The following CMYA5 variants were observed in gnomAD, a reference collection of about 807,000 sequenced individuals.
CMYA5 encodes cardiomyopathy associated 5.
Under a neutral mutation model 318.9 loss-of-function variants are expected in CMYA5, and 246 were observed. The ratio of observed to expected loss-of-function variants is 0.77; its 90% CI spans 0.70 to 0.86. The LOEUF is 0.86. Among genes scored for constraint, CMYA5 ranks in the 40% least tolerant of loss-of-function variants. The pLI is 0.00. For synonymous variants in CMYA5, 1,641 were observed against 1,729.5 expected (o/e 0.95, Z 1.27); for missense variants, 4,589 against 4,678.2 (o/e 0.98, Z 0.56).
chr5:79,758,720 C>T, intron 6 of CMYA5, 33 bp from the exon 7 acceptor site: 1 of 1,545,468 alleles, frequency 6.5e-7, no homozygotes, highest in Non-Finnish European at 8.7e-7. Flanking sequence ...ATAAAAACAG[C>T]ATTAGTTACA....
chr5:79,761,882 T>C lies in CMYA5; in HGVS notation c.11332T>C (p.Cys3778Arg), dbSNP rs748006788. 6.2e-7 allele frequency: 1 copy of C among 1,613,838 alleles called. No individual in the cohort carries two copies. The highest frequency in any genetic ancestry group is 1.3e-5 in the African/African-American group (1 of 75,068). ...CIFEDLEPDR[C>R]YQVWVMAVNF... ...TTTTGAAGATCTGGAACCTGACCGATGCTATCAAGTGTGGGTGATGGCTGT... is the reference window on the plus strand; with the variant it reads ...TTTTGAAGATCTGGAACCTGACCGACGCTATCAAGTGTGGGTGATGGCTGT... Residue 3778 changes from cysteine to arginine, a missense_variant, in exon 8 of 13, where the codon TGC (cysteine) becomes CGC (arginine). Cys to Arg is a radical substitution (Grantham distance 180, BLOSUM62 -3). Around this residue, in one of 3 missense-constraint regions of CMYA5, gnomAD observed 2,431 missense variants for 2,495.1 expected, o/e 0.97. Coordinates refer to ENST00000446378, the MANE Select transcript of CMYA5 (RefSeq NM_153610.5).
At chr5:79,761,003 G>A (rs1828640413) in intron 7 of CMYA5, among the ~76,000 whole-genome samples, 1 of 152,054 alleles carries the variant, frequency 6.6e-6, no homozygotes, top group South Asian at 2.1e-4. Context: ...TTGAAGATGT[G>A]ACATTCAAGA....
chr5:79,794,159 A>G (rs183183368), intron 12 of CMYA5, among the ~76,000 whole-genome samples: 1 of 152,218 alleles, frequency 6.6e-6, no homozygotes, highest in Non-Finnish European at 1.5e-5. Flanking sequence ...TTGGCAAACT[A>G]TAGCCCATAG....
In CMYA5 at chr5:79,729,859, A is replaced by C; in HGVS notation, c.1094A>C (p.Gln365Pro). ...IQLRHSQSVP[Q>P]QPEDEAKPHE... ...CTCAGGCATTCACAGTCAGTGCCAC[A>C]ACAGCCAGAAGATGAAGCAAAACCA... Residue 365 changes from glutamine (Q) to proline (P), a missense_variant, in exon 2 of 13, where the codon CAA becomes CCA. By Grantham distance (76) the Gln-to-Pro change is moderately conservative (BLOSUM62 -1). Transcript: ENST00000446378. 6.2e-7 allele frequency: 1 copy of C among 1,612,644 alleles called. No individual in the cohort carries two copies. Among genetic ancestry groups the C allele is most frequent in the Non-Finnish European group, 8.5e-7 (1 of 1,179,170 alleles).
rs1341668652 is a variant in CMYA5 at position 79,738,274 on chromosome 5, T to C, written c.9509T>C (p.Ile3170Thr). The C allele has an allele frequency of 1.2e-6, 2 of 1,613,564 alleles. No homozygotes were observed. Among genetic ancestry groups the C allele is most frequent in the East Asian group, 2.2e-5 (1 of 44,876 alleles). ...GAAGGAGTTCTATCACGAACCCAGA[T>C]ATTTCCTACCACTATTAAAGTCATT... ...AEEGVLSRTQIFPTTIKVIDP... is the reference protein window; with the variant it reads ...AEEGVLSRTQTFPTTIKVIDP... The change falls in exon 2 of 13, where the codon ATA becomes ACA. Residue 3170 changes from isoleucine (I) to threonine (T), a missense_variant. Ile to Thr is a moderately conservative substitution (Grantham distance 89). Around this residue, in one of 3 missense-constraint regions of CMYA5, gnomAD observed 2,431 missense variants for 2,495.1 expected, o/e 0.97. Coordinates refer to ENST00000446378, the MANE Select transcript of CMYA5 (RefSeq NM_153610.5).
chr5:79,771,844 G>T lies in CMYA5; in HGVS notation c.11555+8635G>T, dbSNP rs77328005. The stretch of plus-strand genomic sequence containing the variant: ...TCTTTCAACTAGTTTTAAGACTGCA[G>T]CCCTGAATAGACTGAGGCATCCCTC... On this transcript the variant is annotated intron_variant, in intron 9 of 12. Coordinates refer to ENST00000446378, the MANE Select transcript of CMYA5 (RefSeq NM_153610.5). Among the ~76,000 whole-genome samples the T allele has an allele frequency of 6.3e-3, 952 of 152,282 alleles. 14 individuals are homozygous for T. The highest frequency in any genetic ancestry group is 0.06 in the South Asian group (291 of 4,812).
Position 79,729,463 on chromosome 5 carries a change from A to G in CMYA5, c.698A>G (p.Asn233Ser), listed in dbSNP as rs770430050. The G allele has an allele frequency of 3.7e-6, 6 of 1,611,830 alleles. No individual in the cohort carries two copies. The Admixed American group carries it at 1.0e-4, about 27-fold the overall frequency. ...GTVQYKIKMFNSVKEELIPLQ... is the reference protein window; with the variant it reads ...GTVQYKIKMFSSVKEELIPLQ... Reference sequence around the variant, plus strand: ...GTACAATATAAAATTAAGATGTTTAATTCGGTTAAAGAAGAATTAATTCCT... The same window carrying G: ...GTACAATATAAAATTAAGATGTTTAGTTCGGTTAAAGAAGAATTAATTCCT... The change falls in exon 2 of 13, where the codon AAT becomes AGT. Residue 233 changes from asparagine (N) to serine (S), a missense_variant. Around this residue, in one of 3 missense-constraint regions of CMYA5, gnomAD observed 2,132 missense variants for 2,131.3 expected, o/e 1.00. Coordinates refer to ENST00000446378, the MANE Select transcript of CMYA5 (RefSeq NM_153610.5).
intron 9 of CMYA5, among the ~76,000 whole-genome samples, chr5:79,769,155 A>G (rs540728576): frequency 5.3e-5 from 8 of 152,034 alleles, no homozygotes; most frequent in South Asian, 2.1e-4. Context: ...TAGGTCATTT[A>G]TGTTCTTCTC....
rs1002367812 is a variant in CMYA5 at position 79,730,167 on chromosome 5, C to G, written c.1402C>G (p.Pro468Ala). ...CCTGACTTCAATAGAAAGGGCAGAA[C>G]CAGTCTCCGCAAAACTGACCCCTAC... ...PDLTSIERAE[P>A]VSAKLTPTHP... Residue 468 changes from proline (P) to alanine (A), a missense_variant, in exon 2 of 13, where the codon CCA becomes GCA. By Grantham distance (27) the Pro-to-Ala change is conservative. Around this residue, in one of 3 missense-constraint regions of CMYA5, gnomAD observed 2,132 missense variants for 2,131.3 expected, o/e 1.00. Transcript: ENST00000446378. 2 of 1,613,942 alleles carry G rather than the reference C, an allele frequency of 1.2e-6. No individual in the cohort carries two copies. The highest frequency in any genetic ancestry group is 2.2e-5 in the South Asian group (2 of 91,076).
At position 79,737,667 on chromosome 5, in the gene CMYA5, G is replaced by C; in HGVS notation, c.8902G>C (p.Glu2968Gln). The C allele has an allele frequency of 6.2e-7, 1 of 1,613,328 alleles. No homozygotes were observed. The highest frequency in any genetic ancestry group is 1.1e-5 in the South Asian group (1 of 90,880). Residue 2968 changes from glutamate (E) to glutamine (Q), a missense_variant, in exon 2 of 13, where the codon GAA becomes CAA. This residue lies in a region of CMYA5 where 2,431 missense variants were observed against 2,495.1 expected (regional missense o/e 0.97). Transcript: ENST00000446378. Reference protein sequence around the residue: ...APAFISSIDQEESEQMQDKLE... With the variant: ...APAFISSIDQQESEQMQDKLE... ...GGCCTTTATTTCTTCAATCGATCAG[G>C]AAGAAAGTGAACAAATGCAAGATAA...
chr5:79,776,908 C>A (rs1398086410), intron 9 of CMYA5, among the ~76,000 whole-genome samples: 1 of 152,182 alleles, frequency 6.6e-6, no homozygotes, highest in Non-Finnish European at 1.5e-5. Flanking sequence ...CCCCGCTCCC[C>A]TGGGGAGAAA....
In CMYA5 at chr5:79,734,020, C is replaced by T; in HGVS notation, c.5255C>T (p.Ser1752Leu). ...TTTACTTTTTCTTTAAAAGGATTAT[C>T]AGAGGAGGTTAGCCATCCAGCCGAC... ...QPFTFSLKGL[S>L]EEVSHPADFK... Residue 1752 changes from serine to leucine, a missense_variant, in exon 2 of 13, where the codon TCA becomes TTA. Physicochemically the swap from Ser to Leu is moderately radical, Grantham distance 145. Transcript: ENST00000446378. 6.2e-7 allele frequency: 1 copy of T among 1,613,722 alleles called. No individual in the cohort carries two copies. Among genetic ancestry groups the T allele is most frequent in the Non-Finnish European group, 8.5e-7 (1 of 1,179,812 alleles).
At chr5:79,770,202 C>T (rs1203935108) in intron 9 of CMYA5, among the ~76,000 whole-genome samples, 4 of 152,216 alleles carry the variant, frequency 2.6e-5, no homozygotes, top group African/African-American at 4.8e-5. Flanking sequence ...GTGCTGCCAG[C>T]GAGAATTTCA....
chr5:79,765,708 C>G (rs1337892263), intron 9 of CMYA5, among the ~76,000 whole-genome samples: 9 of 152,030 alleles, frequency 5.9e-5, no homozygotes, highest in Middle Eastern at 3.2e-3. Flanking sequence ...CCTTCATATC[C>G]CTTGTAAGTT....
At chr5:79,693,606 A>C (rs1305369838) in intron 1 of CMYA5, among the ~76,000 whole-genome samples, 9 of 151,998 alleles carry the variant, frequency 5.9e-5, no homozygotes, top group Admixed American at 5.9e-4. Context: ...GCCTCCCAAA[A>C]TCCTGGGATT....
Position 79,699,531 on chromosome 5 carries a change from T to C in CMYA5, c.149+9475T>C, listed in dbSNP as rs147952360. On this transcript the variant is annotated intron_variant, in intron 1 of 12. Coordinates refer to ENST00000446378, the MANE Select transcript of CMYA5 (RefSeq NM_153610.5). ...CTTTCAAATACAGGATCTAGGTTACTTTCCTGAGAGAAGAGGACACTAGAA... is the reference window on the plus strand; with the variant it reads ...CTTTCAAATACAGGATCTAGGTTACCTTCCTGAGAGAAGAGGACACTAGAA... Among the ~76,000 whole-genome samples the C allele has an allele frequency of 8.5e-5, 13 of 152,310 alleles. No individual in the cohort carries two copies. In the East Asian group the frequency reaches 2.5e-3, roughly 29 times the overall value.
At position 79,711,204 on chromosome 5, in the gene CMYA5, T is replaced by C. The variant is rs537168213; in HGVS notation, c.150-17711T>C. Among the ~76,000 whole-genome samples the C allele has an allele frequency of 7.2e-5, 11 of 152,304 alleles. No homozygotes were observed. In the South Asian group the frequency reaches 1.9e-3, roughly 26 times the overall value. ...TGTTGGTTATGTTTTAGGTAAGAGG[T>C]TTCTTGTGTTTTTCTGGTGGTGCTG... On this transcript the variant is annotated intron_variant, in intron 1 of 12. Transcript: ENST00000446378.
Position 79,730,015 on chromosome 5 carries a change from C to A in CMYA5, c.1250C>A (p.Ser417Ter), listed in dbSNP as rs1487210378. ...ASENDSSVSPSFANEVKKEDV... is the reference protein window; with the variant it reads ...ASENDSSVSP ...GAGAATGACTCTTCAGTCTCACCAT[C>A]ATTTGCTAATGAGGTAAAGAAGGAA... is the stretch of plus-strand genomic sequence containing the variant. Residue 417 changes from serine to a stop codon, truncating the protein, a stop_gained, in exon 2 of 13, where the codon TCA becomes TAA. Transcript: ENST00000446378. LOFTEE classifies it high-confidence loss of function. The A allele has an allele frequency of 6.2e-7, 1 of 1,614,042 alleles. No homozygotes were observed.
At chr5:79,772,107 A>G (rs1311939471) in intron 9 of CMYA5, among the ~76,000 whole-genome samples, 1 of 150,928 alleles carries the variant, frequency 6.6e-6, no homozygotes, top group Non-Finnish European at 1.5e-5. Context: ...AACCAATGAC[A>G]GTTCCATTTG....
Sources: allele counts gnomAD v4.1 joint callset (sites outside exome capture counted in the v4.1 genomes callset), GRCh38; gene constraint gnomAD v4.1.1; regional missense constraint gnomAD v4.1.1; transcripts MANE v1.5; gene names NCBI Gene and HGNC (gene_info 2026-07-23, HGNC 2026-07-21).